Variants in ANKS1B observed in about 807,000 individuals in gnomAD.
ANKS1B encodes ankyrin repeat and sterile alpha motif domain-containing protein 1B.
ANKS1B carries 36 observed loss-of-function variants against 148.3 expected under a neutral mutation model. The ratio of observed to expected loss-of-function variants is 0.24; its 90% CI spans 0.19 to 0.32. The LOEUF (loss-of-function observed/expected upper bound fraction) is 0.32, where lower values mean the gene tolerates loss of function less well. ANKS1B is among the 10% of genes least tolerant of loss of function. The pLI is 1.00. For synonymous variants in ANKS1B, 542 were observed against 560.8 expected (o/e 0.97, Z 0.47); for missense variants, 1,157 against 1,542.6 (o/e 0.75, Z 4.19).
chr12:99,796,519 G>A (rs1350265449), intron 4 of ANKS1B, among the ~76,000 whole-genome samples: 1 of 151,872 alleles, frequency 6.6e-6, no homozygotes, highest in Non-Finnish European at 1.5e-5. Context: ...GGTTCCAGTG[G>A]CAGCTTGGCT....
Position 99,752,853 on chromosome 12 carries a change from CT to C in ANKS1B, c.1128+20068del, listed in dbSNP as rs752704112. 1.9e-3 allele frequency among the ~76,000 whole-genome samples: 292 copies of C among 152,022 alleles called. 6 individuals carry two copies. Among genetic ancestry groups the C allele is most frequent in the African/African-American group, 5.4e-3 (224 of 41,516 alleles). On this transcript the variant is annotated intron_variant, in intron 8 of 26. Coordinates refer to ENST00000683438, the MANE Select transcript of ANKS1B (RefSeq NM_001352186.2). ...GTAGGACACTATGTGAATTGCTTAG[CT>C]TTTATATTTCATTGCCATTAAATAC...
At chr12:99,748,067 GTTA>G (rs1307922073) in intron 8 of ANKS1B, among the ~76,000 whole-genome samples, 2 of 152,088 alleles carry the variant, frequency 1.3e-5, no homozygotes, top group East Asian at 1.9e-4. Context: ...TGATAATGCA[GTTA>G]TTATGATTGC....
At chr12:99,967,538 C>T (rs1447431378) in intron 1 of ANKS1B, among the ~76,000 whole-genome samples, 1 of 152,082 alleles carries the variant, frequency 6.6e-6, no homozygotes, top group Non-Finnish European at 1.5e-5. Context: ...CCCGCCTCAG[C>T]CTCCCAAGTC....
chr12:98,880,754 C>A (rs1008853176), intron 17 of ANKS1B, among the ~76,000 whole-genome samples: 1 of 151,702 alleles, frequency 6.6e-6, no homozygotes, highest in African/African-American at 2.4e-5. Context: ...GGCGACACAG[C>A]GAGACTCCGT....
chr12:99,861,322 GA>G (rs1226582805), intron 1 of ANKS1B, among the ~76,000 whole-genome samples: 1 of 152,134 alleles, frequency 6.6e-6, no homozygotes, highest in African/African-American at 2.4e-5. Context: ...AATAAGAGAA[GA>G]AAATCAATGG....
intron 1 of ANKS1B, among the ~76,000 whole-genome samples, chr12:99,976,994 G>A (rs1005265587): frequency 6.6e-6 from 1 of 152,322 alleles, no homozygotes; most frequent in African/African-American, 2.4e-5. Context: ...GGGCAAGCAA[G>A]CATGGGCAAC....
At chr12:99,004,691 A>T (rs2099935099) in intron 17 of ANKS1B, among the ~76,000 whole-genome samples, 2 of 152,020 alleles carry the variant, frequency 1.3e-5, no homozygotes, top group East Asian at 3.9e-4. Flanking sequence ...GCCCTATGAA[A>T]ATCTCCCATG....
chr12:99,871,110 G>C (rs1481483469), intron 1 of ANKS1B, among the ~76,000 whole-genome samples: 2 of 152,106 alleles, frequency 1.3e-5, no homozygotes, highest in East Asian at 3.8e-4. Context: ...GTGAAAGGTA[G>C]GGGTCCAGTT....
chr12:98,764,678 C>T (rs2098457346), intron 25 of ANKS1B, among the ~76,000 whole-genome samples: 1 of 152,198 alleles, frequency 6.6e-6, no homozygotes, highest in South Asian at 2.1e-4. Flanking sequence ...TTTTCCTTTA[C>T]TTATTGCAGA....
chr12:99,665,677 G>A (rs573925623), intron 8 of ANKS1B, among the ~76,000 whole-genome samples: 66 of 152,044 alleles, frequency 4.3e-4, no homozygotes, highest in African/African-American at 1.3e-3. Context: ...TAGTAGAGAC[G>A]GGGTTTCACC....
chr12:99,593,610 T>C (rs557344919), intron 9 of ANKS1B, among the ~76,000 whole-genome samples: 6 of 152,236 alleles, frequency 3.9e-5, no homozygotes, highest in African/African-American at 1.2e-4. Flanking sequence ...CAAATGATCC[T>C]TAATTAAAAC....
chr12:98,998,492 C>T (rs2099931018), intron 17 of ANKS1B, among the ~76,000 whole-genome samples: 1 of 152,136 alleles, frequency 6.6e-6, no homozygotes. Flanking sequence ...TGGAGAAAAG[C>T]TGCAAGTAAG....
At chr12:99,935,247 C>T (rs1043944335) in intron 1 of ANKS1B, among the ~76,000 whole-genome samples, 1 of 151,102 alleles carries the variant, frequency 6.6e-6, no homozygotes, top group Non-Finnish European at 1.5e-5. Context: ...GGGAAGAGAA[C>T]ACCTGACTAT....
At chr12:99,516,071 A>T (rs2096817819) in intron 9 of ANKS1B, among the ~76,000 whole-genome samples, 1 of 151,922 alleles carries the variant, frequency 6.6e-6, no homozygotes, top group Non-Finnish European at 1.5e-5. Context: ...CACCTGTCAG[A>T]TTATTAGTTT....
chr12:99,744,943 G>GGTTGCAGTGAGCCA (rs1384676310), intron 8 of ANKS1B, among the ~76,000 whole-genome samples: 4 of 125,692 alleles, frequency 3.2e-5, no homozygotes, highest in Admixed American at 2.0e-4. Flanking sequence ...AGTGAGCCAA[G>GGTTGCAGTGAGCCA]ATTGCGCCAC....
intron 8 of ANKS1B, among the ~76,000 whole-genome samples, chr12:99,670,324 A>T (rs2098531025): frequency 6.6e-6 from 1 of 152,126 alleles, no homozygotes. Context: ...CATAATAAAT[A>T]GATGGTCCTA....
At chr12:99,251,399 T>C (rs970397626) in intron 12 of ANKS1B, among the ~76,000 whole-genome samples, 7 of 152,222 alleles carry the variant, frequency 4.6e-5, no homozygotes, top group African/African-American at 1.4e-4. Flanking sequence ...TTAAAAAGTA[T>C]ACTTTGGAAA....
At chr12:99,451,988 A>G (rs2095748252) in intron 10 of ANKS1B, among the ~76,000 whole-genome samples, 1 of 152,188 alleles carries the variant, frequency 6.6e-6, no homozygotes, top group Admixed American at 6.5e-5. Flanking sequence ...ATCATCAAAT[A>G]TAAGTATTTA....
At chr12:99,427,861 A>G (rs1336955317) in intron 11 of ANKS1B, among the ~76,000 whole-genome samples, 1 of 152,188 alleles carries the variant, frequency 6.6e-6, no homozygotes, top group Non-Finnish European at 1.5e-5. Context: ...AGAGAAAAAG[A>G]GGGAAATGCA....
Sources: allele counts gnomAD v4.1 joint callset (sites outside exome capture counted in the v4.1 genomes callset), GRCh38; gene constraint gnomAD v4.1.1; transcripts MANE v1.5; gene names NCBI Gene and HGNC (gene_info 2026-07-23, HGNC 2026-07-21).